The following ARHGEF3 variants were observed in gnomAD, a reference collection of about 807,000 sequenced individuals.
The protein encoded by ARHGEF3 is Rho guanine nucleotide exchange factor 3, also known as 59.8 kDA protein.
ARHGEF3 carries 28 observed loss-of-function variants against 63.2 expected under a neutral mutation model. The ratio of observed to expected loss-of-function variants is 0.44; its 90% confidence interval spans 0.33 to 0.61. ARHGEF3 has a LOEUF of 0.61. Ranked by LOEUF, ARHGEF3 falls within the 20% of genes least tolerant of loss-of-function variation. ARHGEF3 has a pLI of 0.03. For missense variants in ARHGEF3, 533 were observed against 659.3 expected, an observed-to-expected ratio of 0.81 and a Z score of 2.10; for synonymous variants, 266 against 254.2, an observed-to-expected ratio of 1.05 and a Z score of -0.44.
At chr3:56,863,150 T>C (rs1341446509) in intron 4 of ARHGEF3, among the ~76,000 whole-genome samples, 1 of 152,078 alleles carries the variant, frequency 6.6e-6, no homozygotes, top group Middle Eastern at 3.2e-3. Context: ...TTTCTTTTTT[T>C]TTTTTGAGAC....
chr3:56,854,745 T>C (rs2039806637), intron 4 of ARHGEF3, among the ~76,000 whole-genome samples: 1 of 109,136 alleles, frequency 9.2e-6, no homozygotes, highest in South Asian at 3.4e-4. Context: ...TAGGTACTAT[T>C]TGGGGGGATG....
intron 2 of ARHGEF3, among the ~76,000 whole-genome samples, chr3:56,760,604 G>A (rs904817054): frequency 6.6e-6 from 1 of 152,202 alleles, no homozygotes; most frequent in African/African-American, 2.4e-5. Context: ...CACCCTGCAA[G>A]TTGGGGGTTT....
intron 2 of ARHGEF3, among the ~76,000 whole-genome samples, chr3:57,017,011 C>CTT (rs1220284629): frequency 1.1e-5 from 1 of 94,724 alleles, no homozygotes; most frequent in Admixed American, 1.1e-4. Flanking sequence ...CTCTGTCTCT[C>CTT]TCTCTCTCTC....
At chr3:56,903,089 CAGAG>C (rs10598469) in intron 3 of ARHGEF3, among the ~76,000 whole-genome samples, 15 of 132,226 alleles carry the variant, frequency 1.1e-4, no homozygotes, top group East Asian at 2.2e-4. Context: ...CACACACACA[CAGAG>C]AGAGAGAGAG....
intron 1 of ARHGEF3, among the ~76,000 whole-genome samples, chr3:57,052,688 T>C (rs1456878086): frequency 6.6e-6 from 1 of 152,070 alleles, no homozygotes; most frequent in Admixed American, 6.5e-5. Flanking sequence ...CACAAAGACA[T>C]AAATAAATAA....
intron 1 of ARHGEF3, among the ~76,000 whole-genome samples, chr3:57,065,118 C>T (rs1705451395): frequency 6.6e-6 from 1 of 152,160 alleles, no homozygotes; most frequent in African/African-American, 2.4e-5. Flanking sequence ...TGTTTATTTG[C>T]TGATGGGACC....
intron 3 of ARHGEF3, among the ~76,000 whole-genome samples, chr3:56,926,442 A>G (rs1469121959): frequency 2.0e-5 from 3 of 152,282 alleles, no homozygotes; most frequent in Non-Finnish European, 4.4e-5. Context: ...GGCCATGGCC[A>G]TAGAATACAG....
intron 2 of ARHGEF3, among the ~76,000 whole-genome samples, chr3:56,763,147 G>A (rs1332199755): frequency 1.3e-5 from 2 of 151,984 alleles, no homozygotes; most frequent in African/African-American, 2.4e-5. Context: ...CATCTCTCTG[G>A]GTCTCAGTTT....
intron 2 of ARHGEF3, among the ~76,000 whole-genome samples, chr3:56,756,285 AG>A (rs1181255472): frequency 6.6e-6 from 1 of 152,188 alleles, no homozygotes; most frequent in Non-Finnish European, 1.5e-5. Context: ...ATTGTTATTT[AG>A]GAAGTGTTCC....
At chr3:56,844,739 G>A (rs1000825457) in intron 4 of ARHGEF3, among the ~76,000 whole-genome samples, 1 of 152,144 alleles carries the variant, frequency 6.6e-6, no homozygotes, top group African/African-American at 2.4e-5. Flanking sequence ...GGGTGGTTTT[G>A]TGACAACCCC....
At chr3:56,778,226 C>T (rs997362829) in intron 1 of ARHGEF3, among the ~76,000 whole-genome samples, 6 of 152,176 alleles carry the variant, frequency 3.9e-5, no homozygotes, top group Non-Finnish European at 8.8e-5. Flanking sequence ...CTACTAACAA[C>T]CTCACAAGGT....
chr3:57,015,863 G>A (rs1702975497), intron 2 of ARHGEF3, among the ~76,000 whole-genome samples: 1 of 152,058 alleles, frequency 6.6e-6, no homozygotes, highest in Non-Finnish European at 1.5e-5. Context: ...CAAGACCACA[G>A]CATGTTCAGT....
intron 1 of ARHGEF3, among the ~76,000 whole-genome samples, chr3:57,052,692 TAAATA>T (rs1704726789): frequency 6.6e-6 from 1 of 152,100 alleles, no homozygotes; most frequent in South Asian, 2.1e-4. Context: ...AAGACATAAA[TAAATA>T]AAATTCACAG....
At chr3:56,739,768 A>T (rs920105226) in intron 7 of ARHGEF3, among the ~76,000 whole-genome samples, 4 of 152,146 alleles carry the variant, frequency 2.6e-5, no homozygotes, top group Admixed American at 2.6e-4. Context: ...AAAAACTGTT[A>T]CTCAGTTATA....
At chr3:56,948,562 T>G (rs1699636302) in intron 3 of ARHGEF3, among the ~76,000 whole-genome samples, 1 of 152,146 alleles carries the variant, frequency 6.6e-6, no homozygotes, top group Non-Finnish European at 1.5e-5. Context: ...ACATATTCCC[T>G]CCCAAGACTA....
intron 9 of ARHGEF3, 88 bp downstream of exon 9, chr3:56,732,150 G>A (rs2033210620): frequency 6.7e-7 from 1 of 1,487,338 alleles, no homozygotes; most frequent in African/African-American, 1.4e-5. Context: ...TCAAGACCGT[G>A]GCTTTTCTCT....
intron 1 of ARHGEF3, among the ~76,000 whole-genome samples, chr3:56,795,920 G>A (rs1214672873): frequency 6.6e-6 from 1 of 151,516 alleles, no homozygotes; most frequent in Non-Finnish European, 1.5e-5. Context: ...ACAGGCGTGA[G>A]CCACCACACT....
At chr3:57,011,536 T>A (rs1702700957) in intron 2 of ARHGEF3, among the ~76,000 whole-genome samples, 1 of 152,060 alleles carries the variant, frequency 6.6e-6, no homozygotes, top group Admixed American at 6.6e-5. Flanking sequence ...CTGCTGAACA[T>A]CCTCCAATGC....
intron 4 of ARHGEF3, among the ~76,000 whole-genome samples, chr3:56,856,826 T>G (rs1051029216): frequency 1.3e-5 from 2 of 151,958 alleles, no homozygotes; most frequent in Non-Finnish European, 2.9e-5. Context: ...TTAGAGGCTT[T>G]GCTCTGCCTC....
Sources: gnomAD v4.1 joint callset for allele counts (sites outside exome capture counted in the v4.1 genomes callset) on GRCh38, gnomAD v4.1.1 for gene constraint, MANE v1.5 for transcripts, NCBI Gene and HGNC (gene_info 2026-07-23, HGNC 2026-07-21) for gene names.